FBN3: variants seen among roughly 807,000 people sequenced by gnomAD.
The protein encoded by FBN3 is fibrillin-3.
In FBN3, 234 loss-of-function variants were observed where a neutral mutation model predicts 330.1. The observed-to-expected ratio is 0.71, with a 90% CI of 0.64 to 0.79. The LOEUF is 0.79. Ranked by LOEUF, FBN3 falls within the 30% of genes least tolerant of loss-of-function variation. FBN3 has a pLI of 0.00. For synonymous variants in FBN3, 1,458 were observed against 1,517.3 expected (o/e 0.96, Z 0.91); for missense variants, 3,606 against 3,886.9 (o/e 0.93, Z 1.92).
In FBN3 at chr19:8,085,394, G is replaced by C. The variant is rs1485650854; in HGVS notation, c.7056C>G (p.Pro2352=). 3 of 1,579,920 alleles carry C rather than the reference G, an allele frequency of 1.9e-6. No individual in the cohort carries two copies. The highest frequency in any genetic ancestry group is 2.7e-5 in the African/African-American group (2 of 73,868). The change falls in exon 56 of 64, where the codon CCC becomes CCG. Residue 2352 remains proline, a synonymous_variant. Coordinates refer to ENST00000600128, the MANE Select transcript of FBN3 (RefSeq NM_032447.5). The part of the protein sequence containing the change: ...PGTSAYRKLC[P]HGSGYTAEGR... ...CCTCAGCAGTGTAGCCTGAGCCATG[G>C]GGGCACAGCTTCCTGTAGGCAGAGG...
chr19:8,087,827 C>T lies in FBN3; in HGVS notation c.6617G>A (p.Arg2206Gln), dbSNP rs140432753. 1.2e-5 allele frequency: 19 copies of T among 1,613,478 alleles called. No individual in the cohort carries two copies. Among genetic ancestry groups the T allele is most frequent in the African/African-American group, 6.7e-5 (5 of 74,860 alleles). ...TTTACCATATTAGTCAGGCCTACCT[C>T]GACACATGGCCCCATCCTCCCGCAG... The part of the protein sequence containing the change: ...YTLREDGAMC[R>Q]DVDECADGQQ... Residue 2206 changes from arginine (R) to glutamine (Q), a missense_variant and splice_region_variant, in exon 53 of 64, where the codon CGA becomes CAA. Transcript: ENST00000600128.
At chr19:8,141,602 G>T (rs2083416520) in intron 8 of FBN3, 115 bp downstream of exon 8, 2 of 1,210,248 alleles carry the variant, frequency 1.7e-6, no homozygotes, top group Admixed American at 2.3e-5. Flanking sequence ...CAGGGACAAG[G>T]TCAGAACTGG....
intron 48 of FBN3, 83 bp downstream of exon 48, chr19:8,091,382 A>T (rs992820677): frequency 1.3e-6 from 2 of 1,541,582 alleles, no homozygotes; most frequent in African/African-American, 2.7e-5. Flanking sequence ...GTCACACAAG[A>T]AACCACAGCC....
Position 8,123,551 on chromosome 19 carries a change from G to C in FBN3, c.2995C>G (p.His999Asp). Residue 999 changes from histidine to aspartate, a missense_variant, in exon 24 of 64, where the codon CAC (histidine) becomes GAC (aspartate). Coordinates refer to ENST00000600128, the MANE Select transcript of FBN3 (RefSeq NM_032447.5). ...ECKVFPGLCT[H>D]GTCRNTVGSF... ...CCCACCGTGTTTCTGCAGGTACCGT[G>C]CGTGCAGAGGCCAGGGAACACCTTG... is the stretch of plus-strand genomic sequence containing the variant. The C allele has an allele frequency of 6.2e-7, 1 of 1,614,174 alleles. No homozygotes were observed. Among genetic ancestry groups the C allele is most frequent in the Non-Finnish European group, 8.5e-7 (1 of 1,180,002 alleles).
At chr19:8,084,390 G>A (rs1325330658) in intron 56 of FBN3, among the ~76,000 whole-genome samples, 1 of 151,858 alleles carries the variant, frequency 6.6e-6, no homozygotes, top group Non-Finnish European at 1.5e-5. Flanking sequence ...ACACACACTG[G>A]GCCGGGCGCG....
rs1047728497 is a variant in FBN3 at position 8,129,922 on chromosome 19, G to A, written c.2045-557C>T. Reference sequence around the variant, plus strand: ...AAGCAATTTTTTTTTTTTTGAGATAGGGTCTCACTCTGTCGCACAGGCTGG... The same window carrying A: ...AAGCAATTTTTTTTTTTTTGAGATAAGGTCTCACTCTGTCGCACAGGCTGG... On this transcript the variant is annotated intron_variant, in intron 16 of 63. Transcript: ENST00000600128. This position sits in a 1 kb window ranked among gnomAD's most constrained non-coding sequence, Gnocchi z 4.5. 6.6e-6 allele frequency among the ~76,000 whole-genome samples: 1 copy of A among 151,358 alleles called. No individual in the cohort carries two copies. Among genetic ancestry groups the A allele is most frequent in the East Asian group, 2.0e-4 (1 of 5,070 alleles).
intron 6 of FBN3, among the ~76,000 whole-genome samples, chr19:8,143,290 C>T (rs1272791353): frequency 2.0e-5 from 3 of 152,124 alleles, no homozygotes; most frequent in Non-Finnish European, 4.4e-5. Context: ...TGTCCAGCTG[C>T]TTCCCAGACA....
At position 8,129,332 on chromosome 19, in the gene FBN3, C is replaced by G; in HGVS notation, c.2078G>C (p.Cys693Ser). ...AAGGTTCTCGCACACGCCATTGGCA[C>G]AAACCTCAGGATCCAGAGCACACTC... ...INECALDPEVCANGVCENLRG... is the reference protein window; with the variant it reads ...INECALDPEVSANGVCENLRG... The change falls in exon 17 of 64, where the codon TGT becomes TCT. Residue 693 changes from cysteine (C) to serine (S), a missense_variant. Physicochemically the swap from Cys to Ser is moderately radical, Grantham distance 112. Transcript: ENST00000600128. This position sits in a 1 kb window ranked among gnomAD's most constrained non-coding sequence, Gnocchi z 4.5. 6.2e-7 allele frequency: 1 copy of G among 1,614,168 alleles called. No homozygotes were observed. The highest frequency in any genetic ancestry group is 8.5e-7 in the Non-Finnish European group (1 of 1,180,018).
chr19:8,098,081 T>G (rs1333847698), intron 41 of FBN3, among the ~76,000 whole-genome samples: 1 of 152,236 alleles, frequency 6.6e-6, no homozygotes, highest in Non-Finnish European at 1.5e-5. Flanking sequence ...TGTAACACTG[T>G]GAATGTACTC....
At position 8,121,367 on chromosome 19, in the gene FBN3, G is replaced by A; in HGVS notation, c.3102C>T (p.Ile1034=). 6.2e-7 allele frequency: 1 copy of A among 1,607,248 alleles called. No homozygotes were observed. Among genetic ancestry groups the A allele is most frequent in the Non-Finnish European group, 8.5e-7 (1 of 1,176,688 alleles). Residue 1034 remains isoleucine, a synonymous_variant, in exon 25 of 64, where the codon ATC becomes ATT. Coordinates refer to ENST00000600128, the MANE Select transcript of FBN3 (RefSeq NM_032447.5). This position sits in a 1 kb window ranked among gnomAD's most constrained non-coding sequence, Gnocchi z 4.5. The part of the protein sequence containing the change: ...RNCTDIDECR[I]SPDLCGQGTC... Reference sequence around the variant, plus strand: ...TGCCCTGGCCGCAGAGGTCAGGAGAGATGCGACACTCGTCGATATCTGTGG... The same window carrying A: ...TGCCCTGGCCGCAGAGGTCAGGAGAAATGCGACACTCGTCGATATCTGTGG...
At chr19:8,146,855 A>C (rs2083557929) in intron 3 of FBN3, among the ~76,000 whole-genome samples, 1 of 133,980 alleles carries the variant, frequency 7.5e-6, no homozygotes, top group African/African-American at 3.2e-5. Flanking sequence ...AGCAGAGATG[A>C]ATAGAGAGAG....
At chr19:8,128,908 A>G in intron 18 of FBN3, 120 bp downstream of exon 18, 2 of 1,219,760 alleles carry the variant, frequency 1.6e-6, no homozygotes, top group Non-Finnish European at 2.3e-6. Flanking sequence ...TGCGTGTGTG[A>G]ATAGAGGTAA....
rs750317922 is a variant in FBN3 at position 8,086,354 on chromosome 19, CG to C, written c.6755-30del. On this transcript the variant is annotated intron_variant, in intron 54 of 63. Transcript: ENST00000600128. ...AGATGGGAGGGGTGAGGCAGGTGGG[CG>C]GGGAGGCCACAGGCAGCCAGCCTCT... The C allele has an allele frequency of 3.2e-6, 5 of 1,566,010 alleles. No homozygotes were observed. In the African/African-American group the frequency reaches 5.4e-5, roughly 17 times the overall value.
At position 8,109,081 on chromosome 19, in the gene FBN3, A is replaced by C; in HGVS notation, c.4618+146T>G. On this transcript the variant is annotated intron_variant, in intron 36 of 63. Transcript: ENST00000600128. The surrounding 1 kb of genome is among the most constrained non-coding windows in gnomAD (Gnocchi z 5.2). ...GAACTACCAAGACGTACACTGTGTG[A>C]CCCAGGATGAGCCCCTCTCCTCCCC... 1.4e-6 allele frequency: 1 copy of C among 715,960 alleles called. No homozygotes were observed. The highest frequency in any genetic ancestry group is 1.9e-5 in the South Asian group (1 of 53,550). The allele number at this position is 715,960 out of a possible 1,614,324, so 44.4% of individuals were successfully genotyped here. A position where few individuals can be genotyped will look rare whatever the true frequency, so the allele number is the denominator to read the frequency against.
intron 30 of FBN3, 24 bp from the exon 31 acceptor site, chr19:8,112,123 C>A (rs774043728): frequency 7.5e-6 from 12 of 1,607,580 alleles, no homozygotes; most frequent in Admixed American, 1.7e-5. Flanking sequence ...AGGCACGACG[C>A]CAAGACCCAG....
intron 33 of FBN3, 42 bp from the exon 34 acceptor site, chr19:8,111,009 A>AG (rs754468861): frequency 6.2e-7 from 1 of 1,613,936 alleles, no homozygotes; most frequent in Non-Finnish European, 8.5e-7. Flanking sequence ...CAGAGTCTGC[A>AG]GGGGGGACCT....
At chr19:8,135,486 C>G (rs1406506526) in intron 13 of FBN3, among the ~76,000 whole-genome samples, 1 of 151,798 alleles carries the variant, frequency 6.6e-6, no homozygotes, top group East Asian at 1.9e-4. Flanking sequence ...CCGTGTTGGT[C>G]AGGCTGGTCT....
In FBN3 at chr19:8,096,961, G is replaced by C; in HGVS notation, c.5333C>G (p.Ala1778Gly). The C allele has an allele frequency of 6.2e-7, 1 of 1,613,686 alleles. No individual in the cohort carries two copies. The highest frequency in any genetic ancestry group is 8.5e-7 in the Non-Finnish European group (1 of 1,179,966). The part of the protein sequence containing the change: ...GSRESPCQQN[A>G]DCINIPGSYR... ...GCTACCGGGGATGTTGATGCAGTCA[G>C]CATTCTGCTGGCAGGGACTCTCCCT... Residue 1778 changes from alanine (A) to glycine (G), a missense_variant, in exon 43 of 64, where the codon GCT becomes GGT. By Grantham distance (60) the Ala-to-Gly change is moderately conservative (BLOSUM62 0). Transcript: ENST00000600128. The surrounding 1 kb of genome is among the most constrained non-coding windows in gnomAD (Gnocchi z 4.6).
intron 59 of FBN3, among the ~76,000 whole-genome samples, chr19:8,079,963 G>A (rs2081737361): frequency 6.6e-6 from 1 of 151,768 alleles, no homozygotes; most frequent in African/African-American, 2.4e-5. Flanking sequence ...TTCCATGATG[G>A]AAGATCCCTG....
Sources: gnomAD v4.1 joint callset for allele counts (sites outside exome capture counted in the v4.1 genomes callset) on GRCh38, gnomAD v4.1.1 for gene constraint, Gnocchi (gnomAD v3.1) non-coding constraint, MANE v1.5 for transcripts, NCBI Gene and HGNC (gene_info 2026-07-23, HGNC 2026-07-21) for gene names.